RALGAPA2: variants seen among roughly 807,000 people sequenced by gnomAD.
RALGAPA2 encodes Ral GTPase activating protein catalytic subunit alpha 2, also known as ral GTPase-activating protein subunit alpha-2.
A neutral mutation model predicts 230.4 loss-of-function variants in RALGAPA2; 139 were observed. The ratio of observed to expected loss-of-function variants is 0.60; its 90% CI spans 0.53 to 0.69. The LOEUF (loss-of-function observed/expected upper bound fraction) is 0.69, where lower values mean the gene tolerates loss of function less well. Ranked by LOEUF, RALGAPA2 falls within the 30% of genes least tolerant of loss-of-function variation. RALGAPA2 has a pLI of 0.00. For synonymous variants in RALGAPA2, 847 were observed against 837.8 expected, an observed-to-expected ratio of 1.01 and a Z score of -0.19; for missense variants, 2,163 against 2,276.0, an observed-to-expected ratio of 0.95 and a Z score of 1.01.
intron 37 of RALGAPA2, among the ~76,000 whole-genome samples, chr20:20,453,776 G>A (rs985379482): frequency 6.6e-6 from 1 of 152,200 alleles, no homozygotes; most frequent in Non-Finnish European, 1.5e-5. Flanking sequence ...TGCACCCACA[G>A]CAACAGCACA....
chr20:20,544,657 T>A (rs1300537995), intron 24 of RALGAPA2, among the ~76,000 whole-genome samples: 1 of 152,170 alleles, frequency 6.6e-6, no homozygotes, highest in East Asian at 1.9e-4. Context: ...AAAGAAAATG[T>A]GGCATATATA....
In RALGAPA2 at chr20:20,396,679, G is replaced by A; in HGVS notation, c.*35+16C>T. On this transcript the variant is annotated intron_variant, in intron 39 of 39. Coordinates refer to ENST00000202677, the MANE Select transcript of RALGAPA2 (RefSeq NM_020343.4). ...AGCAGGGTGGCTGGACAAATCCACT[G>A]AAGTGTCTGTCTTACCTTGCTCAAA... The A allele has an allele frequency of 6.2e-7, 1 of 1,603,544 alleles. No homozygotes were observed. The highest frequency in any genetic ancestry group is 8.5e-7 in the Non-Finnish European group (1 of 1,172,126).
intron 36 of RALGAPA2, among the ~76,000 whole-genome samples, chr20:20,474,282 A>G (rs1044334595): frequency 1.4e-4 from 22 of 152,322 alleles, no homozygotes; most frequent in Non-Finnish European, 3.1e-4. Context: ...TTAAGCAACC[A>G]TGGCTGGGGC....
intron 13 of RALGAPA2, among the ~76,000 whole-genome samples, chr20:20,611,784 T>C (rs561603075): frequency 6.6e-6 from 1 of 152,326 alleles, no homozygotes; most frequent in East Asian, 1.9e-4. Context: ...CAGCACTCTT[T>C]AATTTTGCTA....
At chr20:20,634,960 A>C (rs897396443) in intron 9 of RALGAPA2, among the ~76,000 whole-genome samples, 1 of 152,188 alleles carries the variant, frequency 6.6e-6, no homozygotes, top group Non-Finnish European at 1.5e-5. Context: ...CCAGCCCCAA[A>C]TCCTGAGCTG....
At chr20:20,605,129 T>C (rs2065779672) in intron 15 of RALGAPA2, 46 bp downstream of exon 15, 1 of 1,488,824 alleles carries the variant, frequency 6.7e-7, no homozygotes, top group African/African-American at 1.4e-5. Context: ...TACACACTCG[T>C]CCCCAGTCCT....
chr20:20,572,823 T>C, intron 21 of RALGAPA2, 52 bp downstream of exon 21: 1 of 1,359,850 alleles, frequency 7.4e-7, no homozygotes, highest in Non-Finnish European at 9.8e-7. Flanking sequence ...TTACATTAAA[T>C]GATAAGACCA....
chr20:20,584,737 T>A (rs770962256), intron 19 of RALGAPA2, 128 bp downstream of exon 19: 5 of 679,258 alleles, frequency 7.4e-6, no homozygotes, highest in Non-Finnish European at 9.3e-6. Context: ...GCCATGATTG[T>A]GCCAGAGCAC....
chr20:20,591,345 C>A, intron 16 of RALGAPA2, 31 bp from the exon 17 acceptor site: 1 of 1,595,980 alleles, frequency 6.3e-7, no homozygotes, highest in African/African-American at 1.3e-5. Flanking sequence ...TGCAAAGTTA[C>A]AGTTCAAGTT....
Position 20,495,208 on chromosome 20 carries a change from C to A in RALGAPA2, c.5276G>T (p.Gly1759Val). 5 of 1,611,634 alleles carry A rather than the reference C, an allele frequency of 3.1e-6. No individual in the cohort carries two copies. Among genetic ancestry groups the A allele is most frequent in the Non-Finnish European group, 3.4e-6 (4 of 1,178,040 alleles). ...ATCTCCAAAGGCAGTTGGGATAATA[C>A]CCCTGCGGTAGTCTCTGGAGTGTTC... ...WSEHSRDYRR[G>V]IIPTAFGDVS... is the part of the protein sequence containing the mutation. Residue 1759 changes from glycine (G) to valine (V), a missense_variant, in exon 36 of 40, where the codon GGT becomes GTT. Gly to Val is a moderately radical substitution (Grantham distance 109). Transcript: ENST00000202677.
chr20:20,457,563 G>A (rs2061151156), intron 37 of RALGAPA2, among the ~76,000 whole-genome samples: 1 of 152,158 alleles, frequency 6.6e-6, no homozygotes, highest in Admixed American at 6.5e-5. Flanking sequence ...TCTGCAGCAG[G>A]TGCTGAGGCT....
chr20:20,415,989 G>A (rs1317790169), intron 37 of RALGAPA2, among the ~76,000 whole-genome samples: 3 of 152,104 alleles, frequency 2.0e-5, no homozygotes, highest in Non-Finnish European at 4.4e-5. Flanking sequence ...AGGAAGGCAG[G>A]GTTTGAATCT....
chr20:20,696,064 T>C (rs752674696), intron 1 of RALGAPA2, among the ~76,000 whole-genome samples: 9 of 152,278 alleles, frequency 5.9e-5, no homozygotes, highest in African/African-American at 1.2e-4. Context: ...CGTCTCCATA[T>C]TGTTACAAGC....
intron 37 of RALGAPA2, among the ~76,000 whole-genome samples, chr20:20,426,826 T>C (rs2060392062): frequency 6.6e-6 from 1 of 152,234 alleles, no homozygotes; most frequent in Non-Finnish European, 1.5e-5. Context: ...GCACCTCTGC[T>C]GATGCTGCAT....
chr20:20,483,506 C>T (rs2061831117), intron 36 of RALGAPA2, among the ~76,000 whole-genome samples: 1 of 152,078 alleles, frequency 6.6e-6, no homozygotes, highest in Admixed American at 6.5e-5. Context: ...CCAGCTGCTC[C>T]ACAGGTAAAA....
intron 27 of RALGAPA2, among the ~76,000 whole-genome samples, chr20:20,529,699 C>T (rs188663535): frequency 1.6e-3 from 237 of 152,330 alleles, no homozygotes; most frequent in African/African-American, 5.5e-3. Context: ...CTCAGAGCAA[C>T]AGGCCATCCC....
intron 24 of RALGAPA2, among the ~76,000 whole-genome samples, chr20:20,543,055 T>A (rs1305331734): frequency 1.3e-5 from 2 of 152,120 alleles, no homozygotes; most frequent in South Asian, 4.1e-4. Flanking sequence ...TAAACCATTT[T>A]TTTTTTTTAG....
At chr20:20,532,523 T>C (rs2063392567) in intron 26 of RALGAPA2, among the ~76,000 whole-genome samples, 1 of 152,118 alleles carries the variant, frequency 6.6e-6, no homozygotes, top group African/African-American at 2.4e-5. Context: ...GGTGGGGCCA[T>C]GTGGTGAGAT....
At chr20:20,598,720 AAG>A (rs2065540325) in intron 16 of RALGAPA2, 1 of 456,474 alleles carries the variant, frequency 2.2e-6, no homozygotes, top group Non-Finnish European at 4.4e-6. Context: ...GAGACCAGGT[AAG>A]AGAGCGCTCA....
Sources: allele counts gnomAD v4.1 joint callset (sites outside exome capture counted in the v4.1 genomes callset), GRCh38; gene constraint gnomAD v4.1.1; transcripts MANE v1.5; gene names NCBI Gene and HGNC (gene_info 2026-07-23, HGNC 2026-07-21).